SNX8: variants seen among roughly 807,000 people sequenced by gnomAD.
SNX8 encodes the protein sorting nexin-8.
In SNX8, 25 loss-of-function variants were observed where a neutral mutation model predicts 51.6. That is an observed-to-expected ratio of 0.48 (90% CI 0.35 to 0.68). The LOEUF (loss-of-function observed/expected upper bound fraction) is 0.68. Among genes scored for constraint, SNX8 ranks in the 30% least tolerant of loss-of-function variants. The pLI is 0.00. For synonymous variants in SNX8, 324 were observed against 277.0 expected (o/e 1.17, Z -1.68); for missense variants, 695 against 624.0 (o/e 1.11, Z -1.21).
intron 1 of SNX8, among the ~76,000 whole-genome samples, chr7:2,310,313 T>G (rs1007634671): frequency 1.3e-5 from 2 of 152,080 alleles, no homozygotes; most frequent in Non-Finnish European, 2.9e-5. Flanking sequence ...ATCAGATATT[T>G]TGACAGGAAT....
intron 5 of SNX8, among the ~76,000 whole-genome samples, chr7:2,268,743 AG>A (rs1456532090): frequency 5.0e-4 from 2 of 4,020 alleles, no homozygotes; most frequent in Admixed American, 2.3e-3. Flanking sequence ...TCAGCCCCCC[AG>A]CCCGGCCAGC....
chr7:2,302,391 A>G (rs1037354447), intron 1 of SNX8, among the ~76,000 whole-genome samples: 2 of 152,322 alleles, frequency 1.3e-5, no homozygotes, highest in East Asian at 1.9e-4. Context: ...GACGGAGTCT[A>G]GTTCACTCAG....
rs1314287777 is a variant in SNX8 at position 2,252,758 on chromosome 7, T to G, written c.*2298A>C. The G allele has an allele frequency of 9.1e-6, 1 of 110,270 alleles. No individual in the cohort carries two copies. The highest frequency in any genetic ancestry group is 3.6e-5 in the African/African-American group (1 of 28,078). The allele number at this position is 110,270 out of a possible 1,614,324, so 6.8% of individuals were successfully genotyped here. A position where few individuals can be genotyped will look rare whatever the true frequency, so the allele number is the denominator to read the frequency against. On this transcript the variant is annotated 3_prime_UTR_variant, in exon 11 of 11. Coordinates refer to ENST00000222990, the MANE Select transcript of SNX8 (RefSeq NM_013321.4). ...TGCTCTCTCCTCACCCCTGCCCTCC[T>G]GCTCCCCCTCACCCCTGCCCTCCCT...
chr7:2,260,320 A>G (rs1795305740), intron 7 of SNX8, among the ~76,000 whole-genome samples: 1 of 151,764 alleles, frequency 6.6e-6, no homozygotes, highest in Non-Finnish European at 1.5e-5. Context: ...CTGGTCTCAA[A>G]CTCCTGACCT....
chr7:2,275,531 A>G (rs764553504), intron 2 of SNX8, among the ~76,000 whole-genome samples: 3 of 151,540 alleles, frequency 2.0e-5, no homozygotes, highest in Non-Finnish European at 4.4e-5. Flanking sequence ...GCAAAATCCC[A>G]TCTCTACTAA....
At chr7:2,318,102 G>A (rs1796783568), upstream of SNX8, among the ~76,000 whole-genome samples, 1 of 152,060 alleles carries the variant, frequency 6.6e-6, no homozygotes, top group Non-Finnish European at 1.5e-5. Flanking sequence ...CTGGACTGTA[G>A]CTGCCCAATC....
At chr7:2,296,382 G>A (rs914150752) in intron 1 of SNX8, among the ~76,000 whole-genome samples, 3 of 151,888 alleles carry the variant, frequency 2.0e-5, no homozygotes, top group Admixed American at 1.3e-4. Flanking sequence ...TCTCAGCTTG[G>A]TCGCTGCTGG....
intron 1 of SNX8, among the ~76,000 whole-genome samples, chr7:2,331,145 T>TA (rs1778725949): frequency 8.0e-6 from 1 of 124,746 alleles, no homozygotes; most frequent in African/African-American, 3.1e-5. Flanking sequence ...AAGATTGCAC[T>TA]ACTGCACTCC....
intron 1 of SNX8, among the ~76,000 whole-genome samples, chr7:2,281,248 G>C (rs1164259124): frequency 6.6e-6 from 1 of 151,936 alleles, no homozygotes; most frequent in Admixed American, 6.6e-5. Context: ...AACATAATAA[G>C]ATGCCATCTC....
chr7:2,292,466 C>T (rs369476297), intron 1 of SNX8, among the ~76,000 whole-genome samples: 95 of 150,922 alleles, frequency 6.3e-4, no homozygotes, highest in African/African-American at 2.2e-3. Context: ...GGCTGTAGTG[C>T]AGTGGCGCGA....
chr7:2,283,874 C>T (rs1371281229), intron 1 of SNX8, among the ~76,000 whole-genome samples: 1 of 152,220 alleles, frequency 6.6e-6, no homozygotes, highest in East Asian at 1.9e-4. Flanking sequence ...TGGCTCACTG[C>T]AACCTCAGTG....
At chr7:2,276,116 T>A (rs1339952949) in intron 2 of SNX8, among the ~76,000 whole-genome samples, 1 of 152,078 alleles carries the variant, frequency 6.6e-6, no homozygotes, top group Non-Finnish European at 1.5e-5. Flanking sequence ...AAATGTTCCC[T>A]ATGTGGCAAT....
intron 1 of SNX8, among the ~76,000 whole-genome samples, chr7:2,336,448 C>T (rs1778831368): frequency 6.6e-6 from 1 of 152,070 alleles, no homozygotes; most frequent in Non-Finnish European, 1.5e-5. Context: ...GTGGCTCACA[C>T]CTGTAATCCT....
Position 2,274,336 on chromosome 7 carries a change from C to T in SNX8, c.418+776G>A, listed in dbSNP as rs535513151. Among the ~76,000 whole-genome samples the T allele has an allele frequency of 2.6e-5, 4 of 152,358 alleles. No individual in the cohort carries two copies. In the East Asian group the frequency reaches 7.7e-4, roughly 29 times the overall value. Reference sequence around the variant, plus strand: ...GGCGACTGTGTTAGCTCCCATGCTGCGTCCCCGTCCAGGACACGGTGACTG... The same window carrying T: ...GGCGACTGTGTTAGCTCCCATGCTGTGTCCCCGTCCAGGACACGGTGACTG... On this transcript the variant is annotated intron_variant, in intron 3 of 10. Coordinates refer to ENST00000222990, the MANE Select transcript of SNX8 (RefSeq NM_013321.4).
At chr7:2,351,660 T>C (rs992362424) in intron 1 of SNX8, among the ~76,000 whole-genome samples, 8 of 151,536 alleles carry the variant, frequency 5.3e-5, no homozygotes, top group Non-Finnish European at 7.4e-5. Flanking sequence ...ATGAAACCCG[T>C]CTCTACTAAA....
At position 2,271,987 on chromosome 7, in the gene SNX8, G is replaced by T; in HGVS notation, c.419-16C>A. On this transcript the variant is annotated splice_polypyrimidine_tract_variant and intron_variant, in intron 3 of 10. Coordinates refer to ENST00000222990, the MANE Select transcript of SNX8 (RefSeq NM_013321.4). Reference sequence around the variant, plus strand: ...TCCCTGTCAGCTGGAGGAGCACACGGGGTCACTGGACAGAGTCCAGGGCGC... The same window carrying T: ...TCCCTGTCAGCTGGAGGAGCACACGTGGTCACTGGACAGAGTCCAGGGCGC... The T allele has an allele frequency of 6.2e-7, 1 of 1,613,726 alleles. No individual in the cohort carries two copies. The highest frequency in any genetic ancestry group is 1.1e-5 in the South Asian group (1 of 91,072).
intron 1 of SNX8, among the ~76,000 whole-genome samples, chr7:2,328,876 G>A (rs1465256271): frequency 6.6e-6 from 1 of 152,042 alleles, no homozygotes; most frequent in Non-Finnish European, 1.5e-5. Flanking sequence ...ACAAGGTCAG[G>A]AGATCGAGAC....
intron 1 of SNX8, among the ~76,000 whole-genome samples, chr7:2,319,772 A>G (rs1409712690): frequency 6.7e-6 from 1 of 148,834 alleles, no homozygotes; most frequent in Non-Finnish European, 1.5e-5. Context: ...CTGAGACTGC[A>G]CCACTGCACT....
intron 1 of SNX8, among the ~76,000 whole-genome samples, chr7:2,304,417 G>A (rs796858972): frequency 3.6e-4 from 55 of 151,652 alleles, no homozygotes; most frequent in South Asian, 2.3e-3. Context: ...GGTGGCGGGC[G>A]CCTGTAGTCC....
Sources: allele counts gnomAD v4.1 joint callset (sites outside exome capture counted in the v4.1 genomes callset), GRCh38; gene constraint gnomAD v4.1.1; transcripts MANE v1.5; gene names NCBI Gene and HGNC (gene_info 2026-07-23, HGNC 2026-07-21).